Variants in THNSL1 observed in about 807,000 individuals in gnomAD.
THNSL1 encodes threonine synthase like 1, also known as threonine synthase-like 1.
A neutral mutation model predicts 50.4 loss-of-function variants in THNSL1; 48 were observed. The ratio of observed to expected loss-of-function variants is 0.95; its 90% CI spans 0.76 to 1.21. The LOEUF (loss-of-function observed/expected upper bound fraction) is 1.21, where lower values mean the gene tolerates loss of function less well. Among genes scored for constraint, THNSL1 ranks in the 50% most tolerant of loss-of-function variants. The pLI, the probability that THNSL1 is intolerant of heterozygous loss-of-function variation, is 0.00. For synonymous variants in THNSL1, 309 were observed against 306.1 expected (o/e 1.01, Z -0.10); for missense variants, 896 against 871.7 (o/e 1.03, Z -0.35).
upstream of THNSL1, chr10:25,016,147 G>C: frequency 1.6e-6 from 2 of 1,221,056 alleles, no homozygotes; most frequent in Non-Finnish European, 2.0e-6. Flanking sequence ...ATTGCTAAGC[G>C]TCGTTGACTG....
At chr10:25,004,892 G>C in the THNSL1 span, among the ~76,000 whole-genome samples, 4 of 152,000 alleles carry the variant, frequency 2.6e-5, no homozygotes, top group Non-Finnish European at 2.9e-5. Context: ...TTATAGTTTT[G>C]GGTTTTACGT....
chr10:24,966,330 A>G, the THNSL1 span, among the ~76,000 whole-genome samples: 1 of 152,250 alleles, frequency 6.6e-6, no homozygotes, highest in Admixed American at 6.5e-5. Flanking sequence ...GAGAGACCCC[A>G]ATGTGTTGTA....
intron 1 of THNSL1, among the ~76,000 whole-genome samples, chr10:25,020,687 G>A (rs1399770246): frequency 2.0e-5 from 3 of 151,450 alleles, no homozygotes; most frequent in East Asian, 3.9e-4. Context: ...GCTGCAGTGA[G>A]CTGAGATCAT....
chr10:25,005,772 T>A, the THNSL1 span, among the ~76,000 whole-genome samples: 32 of 152,248 alleles, frequency 2.1e-4, no homozygotes, highest in African/African-American at 7.5e-4. Flanking sequence ...ATAGCTCTGA[T>A]CTGCACTTAC....
the THNSL1 span, among the ~76,000 whole-genome samples, chr10:24,974,080 G>A: frequency 6.6e-6 from 1 of 151,976 alleles, no homozygotes; most frequent in South Asian, 2.1e-4. Flanking sequence ...ATACAGACAT[G>A]TAAAAAAAAT....
chr10:25,010,590 C>T, the THNSL1 span, among the ~76,000 whole-genome samples: 1 of 151,454 alleles, frequency 6.6e-6, no homozygotes, highest in African/African-American at 2.4e-5. Flanking sequence ...GCTATCCCTC[C>T]CCCCTACCCC....
the THNSL1 span, among the ~76,000 whole-genome samples, chr10:25,008,115 A>G: frequency 1.3e-5 from 2 of 151,798 alleles, no homozygotes; most frequent in African/African-American, 4.8e-5. Context: ...GCCAGATGAA[A>G]AATACATTCT....
At chr10:25,001,072 G>T in the THNSL1 span, among the ~76,000 whole-genome samples, 1 of 151,838 alleles carries the variant, frequency 6.6e-6, no homozygotes, top group African/African-American at 2.4e-5. Context: ...TTGTGATTAT[G>T]TTCCCTTTAT....
the THNSL1 span, chr10:24,952,528 C>T: frequency 1.3e-6 from 2 of 1,586,228 alleles, no homozygotes; most frequent in Non-Finnish European, 1.7e-6. The surrounding 1 kb of genome is among the most constrained non-coding windows in gnomAD (Gnocchi z 5.1). Flanking sequence ...TTGCATTTAC[C>T]ACGACGCCTC....
chr10:24,990,663 A>G, the THNSL1 span: 2 of 1,491,388 alleles, frequency 1.3e-6, no homozygotes, highest in African/African-American at 2.8e-5. Context: ...AATCTTACAT[A>G]TGGGTACGTA....
chr10:24,957,939 G>T, the THNSL1 span, among the ~76,000 whole-genome samples: 3 of 152,112 alleles, frequency 2.0e-5, no homozygotes, highest in Non-Finnish European at 4.4e-5. Context: ...ATAATTCACT[G>T]AATTCTCTGC....
chr10:25,015,886 G>A (rs1850557713), upstream of THNSL1: 1 of 1,606,210 alleles, frequency 6.2e-7, no homozygotes, highest in Non-Finnish European at 8.5e-7. Context: ...GCTCCTTCAA[G>A]TCACTGGGTA....
chr10:24,981,646 G>A, the THNSL1 span, among the ~76,000 whole-genome samples: 4 of 152,128 alleles, frequency 2.6e-5, no homozygotes, highest in African/African-American at 4.8e-5. Flanking sequence ...GTCTTTCTAC[G>A]CGCCAGGAAC....
chr10:24,997,649 A>G, the THNSL1 span, among the ~76,000 whole-genome samples: 4 of 152,092 alleles, frequency 2.6e-5, no homozygotes, highest in East Asian at 1.9e-4. Context: ...TTGGCCTCCC[A>G]AAGTGCTGGG....
At chr10:24,996,191 C>T in the THNSL1 span, among the ~76,000 whole-genome samples, 2 of 152,284 alleles carry the variant, frequency 1.3e-5, no homozygotes, top group African/African-American at 2.4e-5. Flanking sequence ...CCCACGGTGA[C>T]GTGGGCAGAT....
the THNSL1 span, among the ~76,000 whole-genome samples, chr10:25,005,453 CTTAA>C: frequency 6.6e-6 from 1 of 151,886 alleles, no homozygotes. Context: ...TTTGAAAGTG[CTTAA>C]TTGAGATTTT....
At position 25,024,087 on chromosome 10, in the gene THNSL1, C is replaced by T. The variant is rs150015345; in HGVS notation, c.864C>T (p.Tyr288=). ...GGAAAAGCCTAGTAGGAGCAACCTACGTAGAAAGAGCACAGATACTGTTGG... is the reference window on the plus strand; with the variant it reads ...GGAAAAGCCTAGTAGGAGCAACCTATGTAGAAAGAGCACAGATACTGTTGG... ...GEWKSLVGAT[Y]VERAQILLER... The change falls in exon 3 of 3, where the codon TAC becomes TAT. Residue 288 remains tyrosine (Y), a synonymous_variant. Coordinates refer to ENST00000376356, the MANE Select transcript of THNSL1 (RefSeq NM_024838.5). 120 of 1,614,142 alleles carry T rather than the reference C, an allele frequency of 7.4e-5. No individual in the cohort carries two copies. The highest frequency in any genetic ancestry group is 2.9e-4 in the African/African-American group (22 of 75,040).
chr10:25,001,522 G>T, the THNSL1 span, among the ~76,000 whole-genome samples: 1 of 151,982 alleles, frequency 6.6e-6, no homozygotes, highest in Non-Finnish European at 1.5e-5. Flanking sequence ...GCTTGATATT[G>T]TTCAAGCCTC....
chr10:24,993,347 A>G, the THNSL1 span, among the ~76,000 whole-genome samples: 3 of 152,202 alleles, frequency 2.0e-5, no homozygotes, highest in Non-Finnish European at 4.4e-5. Context: ...TGCTCAATAT[A>G]CTTTATATAA....
Sources: allele counts gnomAD v4.1 joint callset (sites outside exome capture counted in the v4.1 genomes callset), GRCh38; gene constraint gnomAD v4.1.1; non-coding constraint Gnocchi (gnomAD v3.1); transcripts MANE v1.5; gene names NCBI Gene and HGNC (gene_info 2026-07-23, HGNC 2026-07-21).